Variants in LTBP1 observed in about 807,000 individuals in gnomAD.
The protein encoded by LTBP1 is latent transforming growth factor beta binding protein 1, also known as latent-transforming growth factor beta-binding protein 1.
Under a neutral mutation model 207.6 loss-of-function variants are expected in LTBP1, and 129 were observed. The ratio of observed to expected loss-of-function variants is 0.62; its 90% CI spans 0.54 to 0.72. The LOEUF (loss-of-function observed/expected upper bound fraction) is 0.72. LTBP1 is among the 30% of genes least tolerant of loss of function. LTBP1 has a pLI of 0.00. For missense variants in LTBP1, 2,281 were observed against 2,217.2 expected, an observed-to-expected ratio of 1.03 and a Z score of -0.58; for synonymous variants, 963 against 833.7, an observed-to-expected ratio of 1.16 and a Z score of -2.67.
intron 17 of LTBP1, 64 bp downstream of exon 17, chr2:33,275,154 AT>A: frequency 6.3e-7 from 1 of 1,593,176 alleles, no homozygotes; most frequent in South Asian, 1.1e-5. Context: ...CCCTAAGACT[AT>A]CATCAGTTCA....
intron 19 of LTBP1, among the ~76,000 whole-genome samples, chr2:33,281,689 G>A (rs1046607381): frequency 1.2e-4 from 18 of 152,132 alleles, no homozygotes; most frequent in African/African-American, 4.3e-4. Flanking sequence ...CCCAACCCAA[G>A]AGTCTCTGCT....
intron 5 of LTBP1, among the ~76,000 whole-genome samples, chr2:33,175,337 G>T (rs1223556988): frequency 6.6e-6 from 1 of 151,930 alleles, no homozygotes; most frequent in Admixed American, 6.6e-5. Flanking sequence ...TCAAAAAGTG[G>T]GCGAAGGATA....
chr2:32,994,448 G>A (rs1174713180), intron 2 of LTBP1, among the ~76,000 whole-genome samples: 1 of 151,850 alleles, frequency 6.6e-6, no homozygotes, highest in African/African-American at 2.4e-5. Context: ...GAGTCTGCAC[G>A]CTTATCTAAT....
intron 24 of LTBP1, among the ~76,000 whole-genome samples, chr2:33,330,810 G>A (rs1276347249): frequency 1.5e-5 from 2 of 133,864 alleles, no homozygotes; most frequent in South Asian, 4.6e-4. Context: ...CTCTATCATG[G>A]TCTCAAAAAA....
At chr2:33,020,159 C>T (rs2075092878) in intron 2 of LTBP1, among the ~76,000 whole-genome samples, 1 of 152,152 alleles carries the variant, frequency 6.6e-6, no homozygotes, top group South Asian at 2.1e-4. Context: ...GATTTTTATA[C>T]AAACTAGCAG....
chr2:32,966,884 C>T (rs1235165829), intron 2 of LTBP1, among the ~76,000 whole-genome samples: 1 of 152,112 alleles, frequency 6.6e-6, no homozygotes, highest in African/African-American at 2.4e-5. Flanking sequence ...GTGATGCTGG[C>T]CTCAGAATGA....
intron 4 of LTBP1, among the ~76,000 whole-genome samples, chr2:33,125,027 A>G (rs1309252518): frequency 6.6e-6 from 1 of 152,242 alleles, no homozygotes; most frequent in Non-Finnish European, 1.5e-5. Flanking sequence ...GATGAAGTCT[A>G]TATAAGATAT....
At chr2:33,341,725 A>ATATATATAT (rs1330972442) in intron 24 of LTBP1, among the ~76,000 whole-genome samples, 3 of 93,206 alleles carry the variant, frequency 3.2e-5, no homozygotes, top group African/African-American at 1.2e-4. Flanking sequence ...AAAAAAAAAA[A>ATATATATAT]AAAAATATAT....
intron 26 of LTBP1, among the ~76,000 whole-genome samples, chr2:33,359,084 C>T (rs764625098): frequency 2.4e-4 from 37 of 152,256 alleles, no homozygotes; most frequent in Non-Finnish European, 5.0e-4. Flanking sequence ...TTTTCCTGGA[C>T]GCTTGTTCTA....
intron 24 of LTBP1, among the ~76,000 whole-genome samples, chr2:33,322,136 T>A (rs1326733554): frequency 1.1e-4 from 1 of 9,114 alleles, no homozygotes; most frequent in Admixed American, 9.7e-4. Flanking sequence ...TCCTAAGCCT[T>A]TTTTTTTTTT....
At chr2:33,020,471 T>G (rs1176505678) in intron 2 of LTBP1, among the ~76,000 whole-genome samples, 1 of 152,178 alleles carries the variant, frequency 6.6e-6, no homozygotes, top group Admixed American at 6.5e-5. Context: ...TTCTTACGAT[T>G]TTTCCTGGAT....
chr2:33,263,485 A>G (rs1220054449), intron 15 of LTBP1, 93 bp downstream of exon 15: 270 of 865,574 alleles, frequency 3.1e-4, no homozygotes, highest in Non-Finnish European at 8.5e-5. Flanking sequence ...AAGCTTGCTC[A>G]TGGCAGGGTT....
chr2:33,128,314 A>G (rs2081566269), intron 4 of LTBP1, among the ~76,000 whole-genome samples: 1 of 152,260 alleles, frequency 6.6e-6, no homozygotes, highest in Non-Finnish European at 1.5e-5. Flanking sequence ...AGTCATGTGA[A>G]GCATATGTAA....
At chr2:33,363,906 G>A (rs1211430785) in intron 29 of LTBP1, among the ~76,000 whole-genome samples, 1 of 152,130 alleles carries the variant, frequency 6.6e-6, no homozygotes, top group East Asian at 1.9e-4. Context: ...GAAAAACATA[G>A]CAAAAGGAAA....
Position 33,252,603 on chromosome 2 carries a change from A to C in LTBP1, c.2000-74A>C, listed in dbSNP as rs1421193696. On this transcript the variant is annotated intron_variant, in intron 10 of 33. Coordinates refer to ENST00000404816, the MANE Select transcript of LTBP1 (RefSeq NM_206943.4). ...GTTTTTAATTCATACCTTAGGGTTCATTTTACTATCATTTGGAAAGCCAAT... is the reference window on the plus strand; with the variant it reads ...GTTTTTAATTCATACCTTAGGGTTCCTTTTACTATCATTTGGAAAGCCAAT... 2.1e-5 allele frequency: 30 copies of C among 1,397,524 alleles called. No homozygotes were observed. In the East Asian group the frequency reaches 6.7e-4, roughly 31 times the overall value. 86.6% of individuals were successfully genotyped at this position (1,397,524 alleles called of 1,614,324 possible).
At chr2:33,032,435 C>A (rs17324731) in intron 3 of LTBP1, among the ~76,000 whole-genome samples, 1 of 152,130 alleles carries the variant, frequency 6.6e-6, no homozygotes, top group African/African-American at 2.4e-5. Flanking sequence ...TATCAACTTC[C>A]GTGTATCTTC....
intron 2 of LTBP1, among the ~76,000 whole-genome samples, chr2:32,949,517 C>T (rs1676788017): frequency 6.6e-6 from 1 of 152,318 alleles, no homozygotes; most frequent in East Asian, 1.9e-4. Context: ...CATGCATGCC[C>T]AGCAGTGTTT....
At chr2:32,991,641 A>G (rs891863310) in intron 2 of LTBP1, among the ~76,000 whole-genome samples, 5 of 152,196 alleles carry the variant, frequency 3.3e-5, no homozygotes, top group African/African-American at 1.2e-4. Flanking sequence ...CAGTTGTTGT[A>G]ACATGACAGA....
intron 11 of LTBP1, among the ~76,000 whole-genome samples, chr2:33,255,061 G>A (rs1161190572): frequency 6.2e-5 from 6 of 97,398 alleles, no homozygotes; most frequent in Non-Finnish European, 8.6e-5. Context: ...ATATCTCCCA[G>A]TGCTATCCCT....
Sources: allele counts gnomAD v4.1 joint callset (sites outside exome capture counted in the v4.1 genomes callset), GRCh38; gene constraint gnomAD v4.1.1; transcripts MANE v1.5; gene names NCBI Gene and HGNC (gene_info 2026-07-23, HGNC 2026-07-21).